The following AP1S2 variants were observed in gnomAD, a reference collection of about 807,000 sequenced individuals.
AP1S2 encodes the protein AP-1 complex subunit sigma-2.
In AP1S2, 1 loss-of-function variant was observed where a neutral mutation model predicts 14.3. That is an observed-to-expected ratio of 0.07 (90% CI 0.02 to 0.33). The LOEUF is 0.33. Ranked by LOEUF, AP1S2 falls within the 10% of genes least tolerant of loss-of-function variation. The pLI is 0.99. For synonymous variants in AP1S2, 30 were observed against 40.5 expected (o/e 0.74, Z 0.99); for missense variants, 30 against 117.7 (o/e 0.25, Z 3.45).
In AP1S2 at chrX:15,854,783, T is replaced by C; in HGVS notation, c.-96A>G. Reference sequence around the variant, plus strand: ...TCGCCGTGCTGAGGAAGAGAAGCCGTGGTGCTGTGGGGAGGACACCCGGCT... The same window carrying C: ...TCGCCGTGCTGAGGAAGAGAAGCCGCGGTGCTGTGGGGAGGACACCCGGCT... On this transcript the variant is annotated 5_prime_UTR_variant, in exon 1 of 6. Coordinates refer to ENST00000672987, the MANE Select transcript of AP1S2 (RefSeq NM_001272071.2). 1.2e-6 allele frequency: 1 copy of C among 806,740 alleles called. No homozygotes were observed. Among genetic ancestry groups the C allele is most frequent in the African/African-American group, 2.2e-5 (1 of 44,546 alleles). 66.5% of individuals were successfully genotyped at this position (806,740 alleles called of 1,213,427 possible). A position where few individuals can be genotyped will look rare whatever the true frequency, so the allele number is the denominator to read the frequency against.
chrX:15,834,648 G>GTT (rs1321975063), intron 4 of AP1S2, among the ~76,000 whole-genome samples: 7 of 84,270 alleles, frequency 8.3e-5, no homozygotes, highest in Admixed American at 2.7e-4. Flanking sequence ...GCTAATTTTT[G>GTT]TATTTTTTTT....
In AP1S2 at chrX:15,826,501, G is replaced by A. The variant is rs1285992481; in HGVS notation, c.*824C>T. On this transcript the variant is annotated 3_prime_UTR_variant, in exon 6 of 6. Transcript: ENST00000672987. Reference sequence around the variant, plus strand: ...ATGACTTTACACATAATACTGTGAAGAGAGCAACACGTTTTTTGTAAGATA... The same window carrying A: ...ATGACTTTACACATAATACTGTGAAAAGAGCAACACGTTTTTTGTAAGATA... 6 of 111,750 alleles carry A rather than the reference G, an allele frequency of 5.4e-5. No individual in the cohort carries two copies. Among genetic ancestry groups the A allele is most frequent in the Non-Finnish European group, 1.1e-4 (6 of 53,139 alleles). 9.2% of individuals were successfully genotyped at this position (111,750 alleles called of 1,213,427 possible).
At chrX:15,845,032 T>C in intron 4 of AP1S2, 1 of 749,073 alleles carries the variant, frequency 1.3e-6, no homozygotes, top group Non-Finnish European at 1.6e-6. Flanking sequence ...TCTTAAACAA[T>C]TTGAAGCAAT....
chrX:15,837,630 C>T (rs1390388463), intron 4 of AP1S2, among the ~76,000 whole-genome samples: 5 of 84,576 alleles, frequency 5.9e-5, no homozygotes, highest in African/African-American at 2.3e-4. Flanking sequence ...TTTTTTGAGA[C>T]GGAGTCTTAC....
At chrX:15,840,316 C>T (rs1409488235) in intron 4 of AP1S2, among the ~76,000 whole-genome samples, 1 of 112,452 alleles carries the variant, frequency 8.9e-6, no homozygotes, top group Non-Finnish European at 1.9e-5. Context: ...GTTGACACAT[C>T]TCAAAGCACT....
intron 4 of AP1S2, among the ~76,000 whole-genome samples, chrX:15,836,894 A>T (rs1184081781): frequency 9.0e-6 from 1 of 111,126 alleles, no homozygotes; most frequent in Non-Finnish European, 1.9e-5. Context: ...CAAAACAAAT[A>T]TACAAACAAA....
rs1231490969 is a variant in AP1S2, at chrX:15,835,591, AT to A, written c.427-7392del. Among the ~76,000 whole-genome samples the A allele has an allele frequency of 6.7e-3, 703 of 105,665 alleles. 6 individuals are homozygous for A. Among genetic ancestry groups the A allele is most frequent in the African/African-American group, 0.021 (606 of 29,389 alleles). 91.8% of individuals were successfully genotyped at this position (105,665 alleles called of 115,157 possible). The stretch of plus-strand genomic sequence containing the variant: ...TGTGAAGTGCTAAGAAAGTCAAGCG[AT>A]TTTTTTTTTTTACATTAAGTTAGCT... On this transcript the variant is annotated intron_variant, in intron 4 of 5. Transcript: ENST00000672987.
At chrX:15,851,897 A>T (rs941759789) in intron 2 of AP1S2, among the ~76,000 whole-genome samples, 1 of 112,462 alleles carries the variant, frequency 8.9e-6, no homozygotes, top group Non-Finnish European at 1.9e-5. Flanking sequence ...CAAGGTATTT[A>T]CACGTGAGTA....
chrX:15,840,235 C>T (rs1933785442), intron 4 of AP1S2, among the ~76,000 whole-genome samples: 1 of 112,166 alleles, frequency 8.9e-6, no homozygotes, highest in Non-Finnish European at 1.9e-5. Context: ...AAAATACCAA[C>T]AGCAAACAAA....
chrX:15,841,646 A>G (rs938619740), intron 4 of AP1S2, among the ~76,000 whole-genome samples: 1 of 112,043 alleles, frequency 8.9e-6, no homozygotes, highest in African/African-American at 3.2e-5. Flanking sequence ...TATTATTTAT[A>G]TCTACATATC....
intron 4 of AP1S2, among the ~76,000 whole-genome samples, chrX:15,844,549 TA>T (rs1933943038): frequency 8.9e-6 from 1 of 112,934 alleles, no homozygotes; most frequent in Non-Finnish European, 1.9e-5. Context: ...TCTCATGCTG[TA>T]AGCTTTCCAT....
At chrX:15,833,094 T>C in intron 4 of AP1S2, 1 of 1,013,636 alleles carries the variant, frequency 9.9e-7, no homozygotes, top group Non-Finnish European at 1.3e-6. Flanking sequence ...TTTGCCTAAA[T>C]AATACCAGTT....
At chrX:15,832,256 CAG>C in intron 4 of AP1S2, 2 of 729,288 alleles carry the variant, frequency 2.7e-6, no homozygotes, top group Non-Finnish European at 3.2e-6. Flanking sequence ...CATCATCCTT[CAG>C]ACTCTCAAAG....
chrX:15,852,183 A>G (rs1243865238), intron 2 of AP1S2, among the ~76,000 whole-genome samples, 163 bp downstream of exon 2: 1 of 112,553 alleles, frequency 8.9e-6, no homozygotes, highest in African/African-American at 3.2e-5. Flanking sequence ...GTAATTATCA[A>G]TCAAAACACT....
chrX:15,852,253 C>A, intron 2 of AP1S2, 93 bp downstream of exon 2: 1 of 811,505 alleles, frequency 1.2e-6, no homozygotes, highest in South Asian at 2.4e-5. Flanking sequence ...CTTTATTAAT[C>A]GTTATTTATA....
At chrX:15,840,887 C>T (rs867176776) in intron 4 of AP1S2, among the ~76,000 whole-genome samples, 19 of 111,971 alleles carry the variant, frequency 1.7e-4, no homozygotes, top group Middle Eastern at 9.2e-3. Context: ...AAATGGATAA[C>T]GGGCCAATTT....
chrX:15,833,020 C>A (rs1395333424), intron 4 of AP1S2: 1 of 1,107,037 alleles, frequency 9.0e-7, no homozygotes, highest in East Asian at 3.4e-5. Context: ...GGAGAGAGAA[C>A]AAGAAAAGTT....
intron 4 of AP1S2, among the ~76,000 whole-genome samples, chrX:15,844,327 G>A: frequency 1.4e-5 from 1 of 70,927 alleles, no homozygotes; most frequent in Admixed American, 1.6e-4. Context: ...AGTCACCTTT[G>A]GTGACTAAAA....
chrX:15,851,371 G>C (rs913422001), intron 2 of AP1S2, among the ~76,000 whole-genome samples: 1 of 111,940 alleles, frequency 8.9e-6, no homozygotes, highest in East Asian at 2.8e-4. Flanking sequence ...CATATTTGGA[G>C]TGCAATAAAG....
Sources: gnomAD v4.1 joint callset for allele counts (sites outside exome capture counted in the v4.1 genomes callset) on GRCh38, gnomAD v4.1.1 for gene constraint, MANE v1.5 for transcripts, NCBI Gene and HGNC (gene_info 2026-07-23, HGNC 2026-07-21) for gene names.